The following HOOK3 variants were observed in gnomAD, a reference collection of about 807,000 sequenced individuals.
HOOK3 encodes the protein hook microtubule tethering protein 3, also known as protein Hook homolog 3.
In HOOK3, 24 loss-of-function variants were observed where a neutral mutation model predicts 116.3. The observed-to-expected ratio is 0.21, with a 90% CI of 0.15 to 0.29. The LOEUF (loss-of-function observed/expected upper bound fraction) is 0.29. Ranked by LOEUF, HOOK3 falls within the 10% of genes least tolerant of loss-of-function variation. HOOK3 has a pLI of 1.00. For synonymous variants in HOOK3, 275 were observed against 283.0 expected, an observed-to-expected ratio of 0.97 and a Z score of 0.28; for missense variants, 632 against 830.2, an observed-to-expected ratio of 0.76 and a Z score of 2.93.
At chr8:43,011,476 A>C (rs1809612244) in intron 19 of HOOK3, among the ~76,000 whole-genome samples, 1 of 151,882 alleles carries the variant, frequency 6.6e-6, no homozygotes, top group Non-Finnish European at 1.5e-5. Flanking sequence ...TGTGGAGAGA[A>C]ATCAAATATG....
In HOOK3 at chr8:43,026,310, G is replaced by T. The variant is rs1809932882; in HGVS notation, c.*7812G>T. 1.6e-5 allele frequency: 3 copies of T among 191,816 alleles called. No homozygotes were observed. The South Asian group carries it at 5.8e-4, about 37-fold the overall frequency. 11.9% of individuals were successfully genotyped at this position (191,816 alleles called of 1,614,324 possible). A position where few individuals can be genotyped will look rare whatever the true frequency, so the allele number is the denominator to read the frequency against. On this transcript the variant is annotated 3_prime_UTR_variant, in exon 22 of 22. Coordinates refer to ENST00000307602, the MANE Select transcript of HOOK3 (RefSeq NM_032410.4). Reference sequence around the variant, plus strand: ...TTAATATTATTTACTGTTACTTCTAGTCATTTATGTAGTATATTTTACTGC... The same window carrying T: ...TTAATATTATTTACTGTTACTTCTATTCATTTATGTAGTATATTTTACTGC...
intron 13 of HOOK3, among the ~76,000 whole-genome samples, chr8:42,977,405 T>C (rs1238324682): frequency 1.3e-5 from 2 of 152,116 alleles, no homozygotes; most frequent in African/African-American, 4.8e-5. Context: ...GACTTCCTTC[T>C]CACTTTCCCT....
intron 3 of HOOK3, 106 bp downstream of exon 3, chr8:42,925,735 G>T: frequency 1.5e-6 from 1 of 678,766 alleles, no homozygotes; most frequent in Non-Finnish European, 2.5e-6. Context: ...AGCTTAGGTA[G>T]CCTGTAATGA....
intron 13 of HOOK3, 107 bp downstream of exon 13, chr8:42,974,301 T>C: frequency 1.4e-6 from 1 of 705,864 alleles, no homozygotes; most frequent in Non-Finnish European, 2.5e-6. Flanking sequence ...CTTGGCTCAC[T>C]GCAACCTCTG....
chr8:42,911,152 A>T (rs143121450), intron 2 of HOOK3, among the ~76,000 whole-genome samples: 1,960 of 152,294 alleles, frequency 0.013, 44 homozygotes, highest in African/African-American at 0.044. Context: ...CTGTGTCTTT[A>T]TTCTAAGAGC....
chr8:42,996,894 C>CTTTTTT lies in HOOK3; in HGVS notation c.1533-633_1533-628dup, dbSNP rs60094537. On this transcript the variant is annotated intron_variant, in intron 15 of 21. Coordinates refer to ENST00000307602, the MANE Select transcript of HOOK3 (RefSeq NM_032410.4). ...ACTTTAATTCCGTGAGGGCAGGGAT[C>CTTTTTT]TTTTTTTTTTTTTTTTTTTTTTTTT... 5.1e-4 allele frequency among the ~76,000 whole-genome samples: 40 copies of CTTTTTT among 77,900 alleles called. 4 individuals are homozygous for CTTTTTT. Among genetic ancestry groups the CTTTTTT allele is most frequent in the African/African-American group, 1.2e-3 (26 of 22,506 alleles). 51.1% of individuals were successfully genotyped at this position (77,900 alleles called of 152,430 possible). A position where few individuals can be genotyped will look rare whatever the true frequency, so the allele number is the denominator to read the frequency against.
intron 21 of HOOK3, among the ~76,000 whole-genome samples, chr8:43,016,222 A>G (rs1397959109): frequency 6.6e-6 from 1 of 150,482 alleles, no homozygotes; most frequent in Non-Finnish European, 1.5e-5. Context: ...GGTTCACGCC[A>G]TCCTCTTGCC....
chr8:42,968,826 C>T (rs569080483), intron 11 of HOOK3, among the ~76,000 whole-genome samples: 5 of 152,300 alleles, frequency 3.3e-5, no homozygotes, highest in African/African-American at 9.6e-5. Context: ...TCCCCCTCCT[C>T]GTTACAGGCA....
Position 42,973,284 on chromosome 8 carries a change from A to T in HOOK3, c.1123-5A>T, listed in dbSNP as rs140588505. On this transcript the variant is annotated splice_polypyrimidine_tract_variant and splice_region_variant and intron_variant, in intron 11 of 21. Transcript: ENST00000307602. ...TGTATAAGTAATGGTATCTTTCTGT[A>T]TCAGGTAGTAGAACTACAAAACAGA... is the stretch of plus-strand genomic sequence containing the variant. 1.2e-6 allele frequency: 2 copies of T among 1,602,874 alleles called. No individual in the cohort carries two copies. The highest frequency in any genetic ancestry group is 4.5e-5 in the East Asian group (2 of 44,716).
intron 13 of HOOK3, among the ~76,000 whole-genome samples, chr8:42,976,999 G>C (rs1393361380): frequency 6.6e-6 from 1 of 152,200 alleles, no homozygotes; most frequent in African/African-American, 2.4e-5. Flanking sequence ...GGCTCAGAAA[G>C]GTGAATTTTA....
Position 42,986,766 on chromosome 8 carries a change from A to G in HOOK3, c.1503A>G (p.Leu501=). The change falls in exon 15 of 22, where the codon CTA becomes CTG. Residue 501 remains leucine, a synonymous_variant. Transcript: ENST00000307602. ...AGAGCCTTCTAGATGATGCAAATCT[A>G]CGCAAGAATGAACTGGAGACAGAGA... ...LLQSLLDDAN[L]RKNELETENR... 1 of 1,613,878 alleles carries G rather than the reference A, an allele frequency of 6.2e-7. No individual in the cohort carries two copies. The highest frequency in any genetic ancestry group is 8.5e-7 in the Non-Finnish European group (1 of 1,179,892).
chr8:42,926,660 C>G (rs1261052131), intron 3 of HOOK3, among the ~76,000 whole-genome samples: 2 of 152,158 alleles, frequency 1.3e-5, no homozygotes, highest in African/African-American at 4.8e-5. Flanking sequence ...TACCTTTTAC[C>G]CAGTTTCTCC....
At chr8:42,988,057 A>G (rs373646667) in intron 15 of HOOK3, among the ~76,000 whole-genome samples, 83 of 152,274 alleles carry the variant, frequency 5.5e-4, no homozygotes, top group African/African-American at 1.8e-3. Context: ...ATAGCTTTAC[A>G]TTTTAAAGCT....
At chr8:42,901,306 T>A (rs1421291972) in intron 1 of HOOK3, among the ~76,000 whole-genome samples, 1 of 152,244 alleles carries the variant, frequency 6.6e-6, no homozygotes. Context: ...TTAATGCAGT[T>A]AAGTGCAATT....
At chr8:42,986,822 G>T in intron 15 of HOOK3, 27 bp downstream of exon 15, 1 of 1,605,812 alleles carries the variant, frequency 6.2e-7, no homozygotes. Context: ...GGCCGCATCT[G>T]GCTATAAGTT....
At chr8:42,943,287 A>G (rs758305101) in intron 4 of HOOK3, 26 bp from the exon 5 acceptor site, 17 of 1,403,238 alleles carry the variant, frequency 1.2e-5, no homozygotes, top group Admixed American at 2.6e-5. Context: ...TGTAAATGCA[A>G]TTATAATCCT....
At position 42,966,628 on chromosome 8, in the gene HOOK3, T is replaced by G; in HGVS notation, c.920+15T>G. 6.2e-7 allele frequency: 1 copy of G among 1,613,526 alleles called. No homozygotes were observed. On this transcript the variant is annotated intron_variant, in intron 10 of 21. Coordinates refer to ENST00000307602, the MANE Select transcript of HOOK3 (RefSeq NM_032410.4). ...GACGTGCTGAGGTAAAAACCTCACC[T>G]TCACCGCCCAGCACAGTTTGGCTCT... is the stretch of plus-strand genomic sequence containing the variant.
At position 43,029,671 on chromosome 8, in the gene HOOK3, A is replaced by G. The variant is rs1021079276; in HGVS notation, c.*11173A>G. On this transcript the variant is annotated 3_prime_UTR_variant, in exon 22 of 22. Coordinates refer to ENST00000307602, the MANE Select transcript of HOOK3 (RefSeq NM_032410.4). ...ATTATGAAATGAATAGTAAAATTCA[A>G]ACATATCTAATAATAATTTGCCTTA... 19 of 192,502 alleles carry G rather than the reference A, an allele frequency of 9.9e-5. No individual in the cohort carries two copies. In the Admixed American group the frequency reaches 1.1e-3, roughly 11 times the overall value. 11.9% of individuals were successfully genotyped at this position (192,502 alleles called of 1,614,324 possible). A position where few individuals can be genotyped will look rare whatever the true frequency, so the allele number is the denominator to read the frequency against.
chr8:42,973,149 T>G (rs913995050), intron 11 of HOOK3, 140 bp from the exon 12 acceptor site: 3 of 815,378 alleles, frequency 3.7e-6, no homozygotes, highest in Non-Finnish European at 5.3e-6. Flanking sequence ...CCTAGTTCTC[T>G]CCACTGTGTT....
Sources: allele counts gnomAD v4.1 joint callset (sites outside exome capture counted in the v4.1 genomes callset), GRCh38; gene constraint gnomAD v4.1.1; transcripts MANE v1.5; gene names NCBI Gene and HGNC (gene_info 2026-07-23, HGNC 2026-07-21).